The following USH2A variants were observed in gnomAD, a reference collection of about 807,000 sequenced individuals.
USH2A encodes the protein usherin, also known as Usher syndrome 2A (autosomal recessive, mild).
In USH2A, 443 loss-of-function variants were observed where a neutral mutation model predicts 538.9. That is an observed-to-expected ratio of 0.82 (90% CI 0.76 to 0.89). The LOEUF (loss-of-function observed/expected upper bound fraction) is 0.89. Among genes scored for constraint, USH2A ranks in the 40% least tolerant of loss-of-function variants. The pLI, the probability that USH2A is intolerant of heterozygous loss-of-function variation, is 0.00. For synonymous variants in USH2A, 2,413 were observed against 2,273.5 expected (o/e 1.06, Z -1.75); for missense variants, 6,633 against 6,324.8 (o/e 1.05, Z -1.65).
At chr1:215,844,621 A>G in intron 45 of USH2A, 125 bp from the exon 46 acceptor site, 1 of 955,020 alleles carries the variant, frequency 1.0e-6, no homozygotes, top group South Asian at 1.4e-5. Flanking sequence ...TCGCTGATGA[A>G]GTTATCACAG....
At chr1:215,865,503 G>A (rs1018935566) in intron 44 of USH2A, among the ~76,000 whole-genome samples, 2 of 152,118 alleles carry the variant, frequency 1.3e-5, no homozygotes, top group Non-Finnish European at 2.9e-5. Flanking sequence ...CAGATGAGGG[G>A]GGAGAGCCTA....
At chr1:215,846,079 C>A in intron 44 of USH2A, 46 bp from the exon 45 acceptor site, 1 of 1,573,244 alleles carries the variant, frequency 6.4e-7, no homozygotes, top group South Asian at 1.1e-5. Flanking sequence ...CTGAGGCTTT[C>A]AGGGGAAAAA....
chr1:216,082,564 A>C (rs1447631477), intron 26 of USH2A, among the ~76,000 whole-genome samples: 1 of 151,992 alleles, frequency 6.6e-6, no homozygotes, highest in South Asian at 2.1e-4. Flanking sequence ...TAAGATGTTC[A>C]TATTTTTCTC....
chr1:215,773,428 C>A (rs955215827), intron 55 of USH2A, among the ~76,000 whole-genome samples: 8 of 151,952 alleles, frequency 5.3e-5, no homozygotes, highest in African/African-American at 1.9e-4. Context: ...CCTTCTCCAG[C>A]CTGCCTGTAA....
At chr1:215,716,067 C>T (rs1256367321) in intron 61 of USH2A, among the ~76,000 whole-genome samples, 3 of 152,154 alleles carry the variant, frequency 2.0e-5, no homozygotes, top group African/African-American at 4.8e-5. Flanking sequence ...TGAAGGAATT[C>T]GAACAGCAGC....
At chr1:216,231,893 C>A in intron 14 of USH2A, 60 bp downstream of exon 14, 1 of 1,606,856 alleles carries the variant, frequency 6.2e-7, no homozygotes, top group South Asian at 1.1e-5. Flanking sequence ...TTGCAACTGC[C>A]AAAAAAAGTT....
At chr1:216,303,141 G>T (rs1321493448) in intron 9 of USH2A, among the ~76,000 whole-genome samples, 3 of 151,900 alleles carry the variant, frequency 2.0e-5, no homozygotes, top group African/African-American at 7.2e-5. Context: ...AAAGACACAT[G>T]GGGACACACC....
chr1:215,950,939 C>G (rs1666897163), intron 37 of USH2A, among the ~76,000 whole-genome samples: 1 of 152,130 alleles, frequency 6.6e-6, no homozygotes, highest in Non-Finnish European at 1.5e-5. Context: ...TGATTCTTCT[C>G]TCTTTTCTTC....
chr1:215,995,762 AT>A (rs1371195198), intron 34 of USH2A, among the ~76,000 whole-genome samples: 2 of 152,234 alleles, frequency 1.3e-5, no homozygotes, highest in African/African-American at 4.8e-5. Context: ...ATTTTGAAAA[AT>A]TCATAAAGGC....
At chr1:215,655,285 C>T (rs1315229553) in intron 64 of USH2A, among the ~76,000 whole-genome samples, 1 of 152,144 alleles carries the variant, frequency 6.6e-6, no homozygotes, top group Admixed American at 6.5e-5. Context: ...TAACTTTAGT[C>T]ATTCAAATAA....
At chr1:215,955,915 C>G (rs980558296) in intron 37 of USH2A, among the ~76,000 whole-genome samples, 4 of 152,128 alleles carry the variant, frequency 2.6e-5, no homozygotes, top group Admixed American at 6.5e-5. Context: ...CATCACCATC[C>G]AAGGAAGTTG....
chr1:215,648,576 G>A lies in USH2A; in HGVS notation c.14534C>T (p.Ala4845Val), dbSNP rs1305482689. The change falls in exon 66 of 72, where the codon GCC becomes GTC. Residue 4845 changes from alanine (A) to valine (V), a missense_variant. Physicochemically the swap from Ala to Val is moderately conservative, Grantham distance 64. Transcript: ENST00000307340. ...PQIGTLASRT[A>V]SFRWSPPMFP... ...CATGGGGGGACTCCACCGGAAGGAG[G>A]CCGTCCTTGAGGCCAGCGTCCCGAT... The A allele has an allele frequency of 1.9e-6, 3 of 1,614,068 alleles. No individual in the cohort carries two copies. In the African/African-American group the frequency reaches 4.0e-5, roughly 22 times the overall value.
At chr1:216,363,250 A>C (rs1184553637) in intron 4 of USH2A, among the ~76,000 whole-genome samples, 1 of 152,156 alleles carries the variant, frequency 6.6e-6, no homozygotes, top group African/African-American at 2.4e-5. Context: ...TAACAAATAA[A>C]TATTGAATAT....
At position 215,759,862 on chromosome 1, in the gene USH2A, T is replaced by C; in HGVS notation, c.11048-19A>G. 6.2e-7 allele frequency: 1 copy of C among 1,613,854 alleles called. No individual in the cohort carries two copies. The highest frequency in any genetic ancestry group is 1.1e-5 in the South Asian group (1 of 91,074). On this transcript the variant is annotated intron_variant, in intron 56 of 71. Transcript: ENST00000307340. ...CAAACTCCTGGCAAGAATAACGCAA[T>C]GAGGTTTTATTGTTAGGAGAAAATA...
chr1:215,706,572 T>G (rs1659190649), intron 61 of USH2A, among the ~76,000 whole-genome samples: 3 of 151,910 alleles, frequency 2.0e-5, no homozygotes, highest in Admixed American at 6.6e-5. Flanking sequence ...TCCAAACGGG[T>G]TAACTGGTTA....
chr1:216,411,780 C>T (rs1426315244), intron 3 of USH2A, among the ~76,000 whole-genome samples: 1 of 152,084 alleles, frequency 6.6e-6, no homozygotes, highest in Non-Finnish European at 1.5e-5. Context: ...AGAGCATGGC[C>T]CTTCTAACAA....
At chr1:215,853,324 C>T (rs12734222) in intron 44 of USH2A, among the ~76,000 whole-genome samples, 63,656 of 151,956 alleles carry the variant, frequency 0.42, 13,959 homozygotes, top group Admixed American at 0.57. Context: ...AAACAGGGCA[C>T]CAAGTCCTTA....
At chr1:216,057,813 A>G (rs1015139234) in intron 30 of USH2A, among the ~76,000 whole-genome samples, 3 of 152,192 alleles carry the variant, frequency 2.0e-5, no homozygotes. Context: ...ACTTCTGACG[A>G]TTTCCTATTG....
At chr1:215,933,185 C>G (rs1666406417) in intron 38 of USH2A, among the ~76,000 whole-genome samples, 1 of 151,846 alleles carries the variant, frequency 6.6e-6, no homozygotes, top group South Asian at 2.1e-4. Flanking sequence ...ACTGATTACT[C>G]TTTAATTTCT....
Sources: allele counts gnomAD v4.1 joint callset (sites outside exome capture counted in the v4.1 genomes callset), GRCh38; gene constraint gnomAD v4.1.1; transcripts MANE v1.5; gene names NCBI Gene and HGNC (gene_info 2026-07-23, HGNC 2026-07-21).